The following KIAA0319 variants were observed in gnomAD, a reference collection of about 807,000 sequenced individuals.
KIAA0319 encodes dyslexia-associated protein KIAA0319.
KIAA0319 carries 83 observed loss-of-function variants against 108.4 expected under a neutral mutation model. The ratio of observed to expected loss-of-function variants is 0.77; its 90% CI spans 0.64 to 0.92. The LOEUF (loss-of-function observed/expected upper bound fraction) is 0.92, where lower values mean the gene tolerates loss of function less well. KIAA0319 is among the 40% of genes least tolerant of loss of function. KIAA0319 has a pLI of 0.00. For synonymous variants in KIAA0319, 484 were observed against 510.4 expected (o/e 0.95, Z 0.70); for missense variants, 1,195 against 1,322.4 (o/e 0.90, Z 1.49).
Position 24,596,277 on chromosome 6 carries a change from A to G in KIAA0319, c.397T>C (p.Ser133Pro). 2 of 1,614,152 alleles carry G rather than the reference A, an allele frequency of 1.2e-6. No homozygotes were observed. The highest frequency in any genetic ancestry group is 1.1e-5 in the South Asian group (1 of 91,080). ...RGSPSGIWGD[S>P]PEDIRKDLTF... ...AAGTCCTTTCTGATATCCTCAGGTGAGTCCCCCCAGATCCCCGAGGGGGAG... is the reference window on the plus strand; with the variant it reads ...AAGTCCTTTCTGATATCCTCAGGTGGGTCCCCCCAGATCCCCGAGGGGGAG... Residue 133 changes from serine to proline, a missense_variant, in exon 3 of 21, where the codon TCA becomes CCA. By Grantham distance (74) the Ser-to-Pro change is moderately conservative (BLOSUM62 -1). Coordinates refer to ENST00000378214, the MANE Select transcript of KIAA0319 (RefSeq NM_014809.4).
At chr6:24,633,329 T>C (rs1163942779) in intron 1 of KIAA0319, among the ~76,000 whole-genome samples, 3 of 152,184 alleles carry the variant, frequency 2.0e-5, no homozygotes, top group Admixed American at 2.0e-4. Context: ...ACAGAGAAGC[T>C]CTTTTTAAAC....
chr6:24,580,987 T>G lies in KIAA0319; in HGVS notation c.1218A>C (p.Lys406Asn). ...SQLSVGLYVF[K>N]VTVSSENAFG... ...AGGCGTTTTCACTAGAAACAGTGAC[T>G]TTGAAGACATAAAGTCCGACGGACA... is the stretch of plus-strand genomic sequence containing the variant. The change falls in exon 7 of 21, where the codon AAA becomes AAC. Residue 406 changes from lysine to asparagine, a missense_variant. Lys to Asn is a moderately conservative substitution (Grantham distance 94). Coordinates refer to ENST00000378214, the MANE Select transcript of KIAA0319 (RefSeq NM_014809.4). 1 of 1,612,240 alleles carries G rather than the reference T, an allele frequency of 6.2e-7. No individual in the cohort carries two copies. Among genetic ancestry groups the G allele is most frequent in the Middle Eastern group, 1.7e-4 (1 of 6,056 alleles).
intron 11 of KIAA0319, among the ~76,000 whole-genome samples, chr6:24,571,554 C>T (rs894958641): frequency 1.3e-5 from 2 of 152,068 alleles, no homozygotes; most frequent in African/African-American, 4.8e-5. Flanking sequence ...GATGGTGCCC[C>T]GGGCTCTCTT....
chr6:24,571,996 T>C (rs569784936), intron 11 of KIAA0319, among the ~76,000 whole-genome samples: 2 of 152,374 alleles, frequency 1.3e-5, no homozygotes, highest in South Asian at 4.1e-4. Flanking sequence ...GTCTAACTAA[T>C]AGAACTTTTT....
intron 11 of KIAA0319, among the ~76,000 whole-genome samples, chr6:24,570,585 T>TAAA (rs35209953): frequency 2.9e-5 from 4 of 138,124 alleles, no homozygotes; most frequent in Non-Finnish European, 4.6e-5. Context: ...AAGATCCGTC[T>TAAA]AAAAAAAAAA....
At chr6:24,557,979 A>T (rs1762532990) in intron 17 of KIAA0319, among the ~76,000 whole-genome samples, 1 of 152,172 alleles carries the variant, frequency 6.6e-6, no homozygotes, top group Admixed American at 6.5e-5. Context: ...CTGGAAAAAC[A>T]TATATCAGAG....
intron 1 of KIAA0319, among the ~76,000 whole-genome samples, chr6:24,630,683 G>GTATATATATATATATA (rs563881076): frequency 3.3e-4 from 33 of 100,688 alleles, no homozygotes; most frequent in African/African-American, 1.0e-3. Flanking sequence ...GTGTATATGT[G>GTATATATATATATATA]TATATATATA....
chr6:24,598,888 T>C (rs527625708), intron 2 of KIAA0319: 1 of 335,166 alleles, frequency 3.0e-6, no homozygotes, highest in Non-Finnish European at 5.7e-6. Flanking sequence ...AAAAAAAAAA[T>C]AAAAAGTAAA....
At chr6:24,551,381 C>A in intron 20 of KIAA0319, 53 bp downstream of exon 20, 2 of 1,259,564 alleles carry the variant, frequency 1.6e-6, no homozygotes, top group Non-Finnish European at 2.3e-6. Flanking sequence ...CTCAGGCCTA[C>A]CTAGGTTAAA....
intron 9 of KIAA0319, 42 bp downstream of exon 9, chr6:24,578,068 T>C: frequency 6.5e-7 from 1 of 1,547,180 alleles, no homozygotes; most frequent in Non-Finnish European, 8.7e-7. Flanking sequence ...ACAGTCAAAA[T>C]GTAAGTAGCA....
chr6:24,554,478 C>T (rs891580339), intron 19 of KIAA0319, 63 bp downstream of exon 19: 8 of 1,183,696 alleles, frequency 6.8e-6, no homozygotes, highest in Non-Finnish European at 1.0e-5. Context: ...TAAACAATTC[C>T]TAAGCTGTCA....
Position 24,569,964 on chromosome 6 carries a change from G to C in KIAA0319, c.1930C>G (p.Leu644Val). ...ELIFPVESATLDGSSSSDDHG... is the reference protein window; with the variant it reads ...ELIFPVESATVDGSSSSDDHG... ...TCATCGCTGCTGCTGCTCCCATCCA[G>C]GGTAGCACTTTCCACTGGGAAGATC... Residue 644 changes from leucine to valine, a missense_variant, in exon 12 of 21, where the codon CTG becomes GTG. Physicochemically the swap from Leu to Val is conservative, Grantham distance 32. Transcript: ENST00000378214. The C allele has an allele frequency of 6.2e-7, 1 of 1,614,094 alleles. No homozygotes were observed.
intron 7 of KIAA0319, 111 bp from the exon 8 acceptor site, chr6:24,580,061 G>A (rs2127481344): frequency 1.2e-6 from 1 of 802,606 alleles, no homozygotes; most frequent in Non-Finnish European, 2.0e-6. Context: ...TGTCAAGAAG[G>A]TGTTTATCCT....
chr6:24,615,212 T>C lies in KIAA0319; in HGVS notation c.-105-14004A>G, dbSNP rs545701837. Among the ~76,000 whole-genome samples the C allele has an allele frequency of 2.0e-4, 30 of 152,302 alleles. No individual in the cohort carries two copies. The East Asian group carries it at 5.4e-3, about 27-fold the overall frequency. On this transcript the variant is annotated intron_variant, in intron 1 of 20. Coordinates refer to ENST00000378214, the MANE Select transcript of KIAA0319 (RefSeq NM_014809.4). ...TACATTATAGCATTATGAATAATAA[T>C]AAAAGACTGGAAACAACCTAACGTC...
At chr6:24,570,158 T>C in intron 11 of KIAA0319, 123 bp from the exon 12 acceptor site, 2 of 879,756 alleles carry the variant, frequency 2.3e-6, no homozygotes, top group Non-Finnish European at 3.5e-6. Context: ...GTATGCAGCA[T>C]CCTTTGGAAT....
chr6:24,566,741 A>G lies in KIAA0319; in HGVS notation c.2148T>C (p.Asn716=), dbSNP rs775746651. Residue 716 remains asparagine (N), a synonymous_variant, in exon 14 of 21, where the codon AAT becomes AAC. Transcript: ENST00000378214. ...CACCAGCCCGGGCTCTGGGAGGACT[A>G]TTATTTTCTAAGTCAAATATAGCAA... ...TLTVAVKKEN[N]SPPRARAGGR... 1.2e-5 allele frequency: 20 copies of G among 1,605,748 alleles called. No individual in the cohort carries two copies. Among genetic ancestry groups the G allele is most frequent in the Admixed American group, 6.9e-5 (4 of 57,940 alleles).
intron 3 of KIAA0319, among the ~76,000 whole-genome samples, chr6:24,591,884 GTTAT>G (rs1480210496): frequency 2.0e-5 from 3 of 151,822 alleles, no homozygotes; most frequent in Admixed American, 6.6e-5. Flanking sequence ...TTTGAGTTGG[GTTAT>G]TTGTCTTTTA....
chr6:24,615,746 T>C (rs1409269179), intron 1 of KIAA0319, among the ~76,000 whole-genome samples: 1 of 152,200 alleles, frequency 6.6e-6, no homozygotes, highest in East Asian at 1.9e-4. Context: ...TTTTAAAAAA[T>C]AATTTATATC....
intron 1 of KIAA0319, among the ~76,000 whole-genome samples, chr6:24,601,441 G>A (rs1040622466): frequency 6.6e-6 from 1 of 152,172 alleles, no homozygotes; most frequent in Non-Finnish European, 1.5e-5. Context: ...GGAAATAAAC[G>A]AGGACCAGTC....
Sources: allele counts gnomAD v4.1 joint callset (sites outside exome capture counted in the v4.1 genomes callset), GRCh38; gene constraint gnomAD v4.1.1; transcripts MANE v1.5; gene names NCBI Gene and HGNC (gene_info 2026-07-23, HGNC 2026-07-21).